Variants in PCDHA13 observed in about 807,000 individuals in gnomAD.
PCDHA13 encodes the protein protocadherin alpha 13.
Under a neutral mutation model 64.8 loss-of-function variants are expected in PCDHA13, and 54 were observed. The ratio of observed to expected loss-of-function variants is 0.83; its 90% CI spans 0.67 to 1.04. PCDHA13 has a LOEUF of 1.04. PCDHA13 is among the 50% of genes least tolerant of loss of function. The probability of loss-of-function intolerance (pLI) is 0.00; values close to 1 mark genes in which losing one functional copy is unlikely to be tolerated. For synonymous variants in PCDHA13, 587 were observed against 564.4 expected (o/e 1.04, Z -0.57); for missense variants, 1,248 against 1,254.3 (o/e 0.99, Z 0.08).
At chr5:140,927,158 C>G in intron 1 of PCDHA13, 1 of 1,614,166 alleles carries the variant, frequency 6.2e-7, no homozygotes, top group Non-Finnish European at 8.5e-7. Context: ...CTGTGCAGGG[C>G]CAAAGCTGCC....
In PCDHA13 at chr5:140,944,181, G is replaced by A. The variant is rs112665762; in HGVS notation, c.2395-34768G>A. 4.3e-3 allele frequency among the ~76,000 whole-genome samples: 661 copies of A among 151,992 alleles called. 7 individuals are homozygous for A. Among genetic ancestry groups the A allele is most frequent in the African/African-American group, 0.015 (616 of 41,488 alleles). On this transcript the variant is annotated intron_variant, in intron 1 of 3. Coordinates refer to ENST00000289272, the MANE Select transcript of PCDHA13 (RefSeq NM_018904.3). ...AAAGGGCCAAGGCTGGTTTTTTGTTGGTTTGTTTTGTTTTGTTTTGTTTTT... is the reference window on the plus strand; with the variant it reads ...AAAGGGCCAAGGCTGGTTTTTTGTTAGTTTGTTTTGTTTTGTTTTGTTTTT...
rs1554174685 is a variant in PCDHA13, at chr5:140,882,584, C to G, written c.316C>G (p.Leu106Val). The change falls in exon 1 of 4, where the codon CTG becomes GTG. Residue 106 changes from leucine to valine, a missense_variant. Leu to Val is a conservative substitution (Grantham distance 32). Coordinates refer to ENST00000289272, the MANE Select transcript of PCDHA13 (RefSeq NM_018904.3). ...CGRSAECSIH[L>V]EVIVDRPLQV... ...GCGGAGCGCGGAGTGCAGCATCCAC[C>G]TGGAGGTGATCGTGGACAGGCCTCT... The G allele has an allele frequency of 3.1e-6, 5 of 1,614,238 alleles. No homozygotes were observed. Among genetic ancestry groups the G allele is most frequent in the South Asian group, 1.1e-5 (1 of 91,084 alleles).
intron 3 of PCDHA13, among the ~76,000 whole-genome samples, chr5:141,003,288 T>C (rs2098118136): frequency 2.0e-5 from 3 of 152,182 alleles, no homozygotes; most frequent in African/African-American, 7.2e-5. Context: ...AATTGGATTA[T>C]AGGATTACAT....
At chr5:141,003,307 C>T (rs2153977029) in intron 3 of PCDHA13, among the ~76,000 whole-genome samples, 1 of 152,252 alleles carries the variant, frequency 6.6e-6, no homozygotes. Flanking sequence ...ATGAAGTGGC[C>T]AGCTACTTCC....
In PCDHA13 at chr5:140,927,503, C is replaced by T. The variant is rs148532418; in HGVS notation, c.2394+42841C>T. On this transcript the variant is annotated intron_variant, in intron 1 of 3. Transcript: ENST00000289272. ...CGCGCCACCCACCTGCTGGTGCTTA[C>T]AGCTCGGGACGGCGGGCTACCTGCC... The T allele has an allele frequency of 1.2e-4, 190 of 1,614,128 alleles. No homozygotes were observed. In the African/African-American group the frequency reaches 2.3e-3, roughly 19 times the overall value.
intron 3 of PCDHA13, 49 bp downstream of exon 3, chr5:140,982,612 C>A (rs782489208): frequency 6.3e-7 from 1 of 1,599,358 alleles, no homozygotes; most frequent in Admixed American, 1.7e-5. Context: ...GGAAAGTGAT[C>A]AGATGACCTA....
At chr5:140,931,405 G>A (rs1395168165) in intron 1 of PCDHA13, among the ~76,000 whole-genome samples, 1 of 151,984 alleles carries the variant, frequency 6.6e-6, no homozygotes, top group South Asian at 2.1e-4. Flanking sequence ...CGATAGGAAG[G>A]CTGATGAATC....
chr5:141,000,393 CTCTATATATATA>C (rs1208951211), intron 3 of PCDHA13, among the ~76,000 whole-genome samples: 9 of 52,848 alleles, frequency 1.7e-4, no homozygotes, highest in African/African-American at 6.4e-4. Context: ...CTCTCTCTCT[CTCTATATATATA>C]TATATATATA....
At chr5:140,927,547 G>A (rs2084343936) in intron 1 of PCDHA13, 2 of 1,614,126 alleles carry the variant, frequency 1.2e-6, no homozygotes, top group Non-Finnish European at 8.5e-7. Flanking sequence ...AGACGCACAA[G>A]TCACCATCAT....
rs782597550 is a variant in PCDHA13 at position 140,934,018 on chromosome 5, TG to T, written c.2395-44929del. ...ACCTCTCATTTTTCTTGACTAGACTTGGAAGTAGTTTATTAATGATATTAGT... is the reference window on the plus strand; with the variant it reads ...ACCTCTCATTTTTCTTGACTAGACTTGAAGTAGTTTATTAATGATATTAGT... On this transcript the variant is annotated intron_variant, in intron 1 of 3. Coordinates refer to ENST00000289272, the MANE Select transcript of PCDHA13 (RefSeq NM_018904.3). Among the ~76,000 whole-genome samples the T allele has an allele frequency of 2.6e-4, 40 of 152,182 alleles. 1 individual carries two copies. The highest frequency in any genetic ancestry group is 3.4e-3 in the Middle Eastern group (1 of 294).
chr5:140,896,929 G>A (rs2065808653), intron 1 of PCDHA13, among the ~76,000 whole-genome samples: 2 of 152,106 alleles, frequency 1.3e-5, no homozygotes, highest in African/African-American at 4.8e-5. Flanking sequence ...ATCACATCAT[G>A]GAAAATGGAA....
At chr5:140,961,558 A>T (rs1285175060) in intron 1 of PCDHA13, among the ~76,000 whole-genome samples, 1 of 151,976 alleles carries the variant, frequency 6.6e-6, no homozygotes, top group Admixed American at 6.6e-5. Context: ...TTCTTTTTTT[A>T]AATTTTGTTT....
At chr5:140,996,831 T>C (rs1196344709) in intron 3 of PCDHA13, among the ~76,000 whole-genome samples, 1 of 152,204 alleles carries the variant, frequency 6.6e-6, no homozygotes, top group Non-Finnish European at 1.5e-5. Flanking sequence ...CTACCAATAA[T>C]TTAGCGTGCA....
intron 1 of PCDHA13, among the ~76,000 whole-genome samples, chr5:140,895,468 CCT>C (rs2065019844): frequency 6.6e-6 from 1 of 152,130 alleles, no homozygotes; most frequent in Non-Finnish European, 1.5e-5. Flanking sequence ...ATTTCTTTAT[CCT>C]CTTCGGAGAA....
chr5:140,927,309 C>T (rs2084071798), intron 1 of PCDHA13: 4 of 1,614,058 alleles, frequency 2.5e-6, no homozygotes, highest in Admixed American at 1.7e-5. Context: ...TCCTGACGCC[C>T]GGAGCCCGCT....
intron 1 of PCDHA13, among the ~76,000 whole-genome samples, chr5:140,950,920 T>TTTCTGCTACTTTTAACTG (rs1554219690): frequency 2.6e-5 from 4 of 152,202 alleles, no homozygotes; most frequent in African/African-American, 9.6e-5. Context: ...TTATTTCAGT[T>TTTCTGCTACTTTTAACTG]CTTTTTCTTT....
intron 1 of PCDHA13, among the ~76,000 whole-genome samples, chr5:140,951,706 G>A (rs2094621330): frequency 6.6e-6 from 1 of 152,060 alleles, no homozygotes; most frequent in African/African-American, 2.4e-5. Context: ...CTTTGGGCGG[G>A]GACACAGATC....
intron 1 of PCDHA13, chr5:140,967,116 G>A: frequency 1.2e-6 from 2 of 1,612,922 alleles, no homozygotes; most frequent in Non-Finnish European, 1.7e-6. Context: ...CGGCCTCGCT[G>A]CCTGCTCAGC....
intron 3 of PCDHA13, among the ~76,000 whole-genome samples, chr5:140,989,478 G>A (rs1319813384): frequency 2.0e-5 from 3 of 152,204 alleles, no homozygotes; most frequent in Admixed American, 6.5e-5. Context: ...CTCCTGGGAG[G>A]TGCTTGAACA....
Sources: gnomAD v4.1 joint callset for allele counts (sites outside exome capture counted in the v4.1 genomes callset) on GRCh38, gnomAD v4.1.1 for gene constraint, MANE v1.5 for transcripts, NCBI Gene and HGNC (gene_info 2026-07-23, HGNC 2026-07-21) for gene names.